Variants in NUP210 observed in about 807,000 individuals in gnomAD.
The protein encoded by NUP210 is nuclear pore membrane glycoprotein 210.
In NUP210, 151 loss-of-function variants were observed where a neutral mutation model predicts 196.0. The observed-to-expected ratio is 0.77, with a 90% confidence interval of 0.67 to 0.88. The LOEUF (loss-of-function observed/expected upper bound fraction) is 0.88, where lower values mean the gene tolerates loss of function less well. NUP210 is among the 40% of genes least tolerant of loss of function. The pLI, the probability that NUP210 is intolerant of heterozygous loss-of-function variation, is 0.00. For synonymous variants in NUP210, 1,070 were observed against 1,052.7 expected, an observed-to-expected ratio of 1.02 and a Z score of -0.32; for missense variants, 2,314 against 2,493.7, an observed-to-expected ratio of 0.93 and a Z score of 1.53.
intron 1 of NUP210, among the ~76,000 whole-genome samples, chr3:13,401,038 A>G (rs868135547): frequency 1.3e-5 from 2 of 152,028 alleles, no homozygotes; most frequent in African/African-American, 4.8e-5. Context: ...TGGGCAGATC[A>G]CCAGAGGTCA....
intron 15 of NUP210, 127 bp downstream of exon 15, chr3:13,360,143 T>C: frequency 1.2e-6 from 1 of 804,700 alleles, no homozygotes; most frequent in East Asian, 2.7e-5. Flanking sequence ...TGCCTGTCTG[T>C]AAAATGGGTA....
intron 1 of NUP210, among the ~76,000 whole-genome samples, chr3:13,403,944 G>C (rs1015124173): frequency 6.6e-6 from 1 of 152,174 alleles, no homozygotes; most frequent in South Asian, 2.1e-4. Flanking sequence ...ACCGGGCCAC[G>C]TCTGGCCTCT....
In NUP210 at chr3:13,386,149, G is replaced by A. The variant is rs943653419; in HGVS notation, c.817+126C>T. Reference sequence around the variant, plus strand: ...GTGATGGCTGCAGAAGAGTGTGAATGTACTTGATGCTACCTGATGGAGCAC... The same window carrying A: ...GTGATGGCTGCAGAAGAGTGTGAATATACTTGATGCTACCTGATGGAGCAC... On this transcript the variant is annotated intron_variant, in intron 6 of 39. Coordinates refer to ENST00000254508, the MANE Select transcript of NUP210 (RefSeq NM_024923.4). The A allele has an allele frequency of 1.7e-5, 17 of 993,298 alleles. No homozygotes were observed. In the South Asian group the frequency reaches 2.7e-4, roughly 16 times the overall value. 61.5% of individuals were successfully genotyped at this position (993,298 alleles called of 1,614,324 possible). A position where few individuals can be genotyped will look rare whatever the true frequency, so the allele number is the denominator to read the frequency against.
chr3:13,326,524 T>C (rs760372822), intron 32 of NUP210, among the ~76,000 whole-genome samples: 46 of 141,468 alleles, frequency 3.3e-4, no homozygotes, highest in Non-Finnish European at 5.0e-4. Context: ...CCTTTTAAAA[T>C]GAATTTAGTA....
rs553918791 is a variant in NUP210, at chr3:13,343,217, G to A, written c.2922C>T (p.Tyr974=). The change falls in exon 21 of 40, where the codon TAC becomes TAT. Residue 974 remains tyrosine (Y), a synonymous_variant. Transcript: ENST00000254508. ...TGTACAGCTCCTGAATGTCCGACACGTAAACGACAGCCTTGGCTGGGGCCG... is the reference window on the plus strand; with the variant it reads ...TGTACAGCTCCTGAATGTCCGACACATAAACGACAGCCTTGGCTGGGGCCG... The part of the protein sequence containing the change: ...VFPAPAKAVV[Y]VSDIQELYIR... 58 of 1,612,962 alleles carry A rather than the reference G, an allele frequency of 3.6e-5. 1 individual carries two copies. The highest frequency in any genetic ancestry group is 8.3e-5 in the Admixed American group (5 of 59,938).
chr3:13,419,641 G>A (rs975565649), intron 1 of NUP210, among the ~76,000 whole-genome samples: 1 of 152,204 alleles, frequency 6.6e-6, no homozygotes, highest in Admixed American at 6.5e-5. Context: ...GCCAGGGCGA[G>A]GGCGGTCACA....
At chr3:13,325,578 C>A (rs1242694848) in intron 33 of NUP210, among the ~76,000 whole-genome samples, 2 of 152,212 alleles carry the variant, frequency 1.3e-5, no homozygotes, top group Non-Finnish European at 2.9e-5. Flanking sequence ...GTCCTCATCA[C>A]ACCCTCTTGA....
intron 17 of NUP210, 57 bp downstream of exon 17, chr3:13,353,858 G>C: frequency 6.6e-7 from 1 of 1,525,608 alleles, no homozygotes; most frequent in Non-Finnish European, 8.9e-7. Context: ...ACCTTGGCAG[G>C]CTTCCTGTCT....
Position 13,332,337 on chromosome 3 carries a change from TTG to T in NUP210, c.3889_3890del (p.Gln1297AsnfsTer38). The T allele has an allele frequency of 6.2e-7, 1 of 1,613,904 alleles. No individual in the cohort carries two copies. The highest frequency in any genetic ancestry group is 1.3e-5 in the African/African-American group (1 of 75,048). Reference protein sequence around the residue: ...QLLNPEIEAEQILMSPNSYIK... With the variant: ...QLLNPEIEAEXILMSPNSYIK... Reference sequence around the variant, plus strand: ...TATATGAGTTGGGCGACATTAATATTTGTTCTGCTTCTATTTCAGGGTTGAGC... The same window carrying T: ...TATATGAGTTGGGCGACATTAATATTTTCTGCTTCTATTTCAGGGTTGAGC... On this transcript the variant is annotated frameshift_variant, in exon 29 of 40. Transcript: ENST00000254508. LOFTEE classifies it high-confidence loss of function.
At chr3:13,328,604 G>A (rs1234405284) in intron 31 of NUP210, among the ~76,000 whole-genome samples, 167 bp downstream of exon 31, 1 of 152,234 alleles carries the variant, frequency 6.6e-6, no homozygotes, top group Non-Finnish European at 1.5e-5. Flanking sequence ...CAAGGGCAGT[G>A]GTGTTTCCTC....
chr3:13,402,040 AT>A (rs1404103008), intron 1 of NUP210, among the ~76,000 whole-genome samples: 1 of 152,164 alleles, frequency 6.6e-6, no homozygotes, highest in South Asian at 2.1e-4. Context: ...ACAAAAAAAA[AT>A]TTTTTTAATT....
Position 13,347,694 on chromosome 3 carries a change from T to TG in NUP210, c.2835+4184dup, listed in dbSNP as rs1559321230. Among the ~76,000 whole-genome samples the TG allele has an allele frequency of 6.6e-6, 1 of 152,182 alleles. No individual in the cohort carries two copies. The highest frequency in any genetic ancestry group is 1.5e-5 in the Non-Finnish European group (1 of 68,038). On this transcript the variant is annotated intron_variant, in intron 20 of 39. Transcript: ENST00000254508. The surrounding 1 kb of genome is among the most constrained non-coding windows in gnomAD (Gnocchi z 4.7). ...TTTCTCTGAGCTAACTGGGGAGCGC[T>TG]GGGGGCTTGTCTATCTCTGTGCTGC...
intron 36 of NUP210, 95 bp downstream of exon 36, chr3:13,321,490 T>C: frequency 7.5e-7 from 1 of 1,332,912 alleles, no homozygotes; most frequent in Non-Finnish European, 1.0e-6. Context: ...TAAAGAGAGC[T>C]GGCCCAGGAC....
At position 13,357,353 on chromosome 3, in the gene NUP210, G is replaced by A. The variant is rs140766222; in HGVS notation, c.2328+869C>T. On this transcript the variant is annotated intron_variant, in intron 16 of 39. Coordinates refer to ENST00000254508, the MANE Select transcript of NUP210 (RefSeq NM_024923.4). ...AGCAGCCTCCTCCTCACTCTGCTGC[G>A]TGCCCTATTTCACTTCCCTTGCAGC... 1.4e-3 allele frequency among the ~76,000 whole-genome samples: 214 copies of A among 152,270 alleles called. 1 individual carries two copies. The highest frequency in any genetic ancestry group is 4.7e-3 in the African/African-American group (194 of 41,548).
At chr3:13,335,658 T>C (rs765474976) in intron 27 of NUP210, 46 bp from the exon 28 acceptor site, 1 of 1,598,510 alleles carries the variant, frequency 6.3e-7, no homozygotes, top group Non-Finnish European at 8.6e-7. Flanking sequence ...CCCAGGCCCC[T>C]GTGTCCTCAA....
In NUP210 at chr3:13,372,030, C is replaced by T. The variant is rs1404730053; in HGVS notation, c.1590G>A (p.Val530=). 6.4e-7 allele frequency: 1 copy of T among 1,571,402 alleles called. No homozygotes were observed. Among genetic ancestry groups the T allele is most frequent in the Non-Finnish European group, 8.6e-7 (1 of 1,156,662 alleles). ...CCATGCTGTGGGGCTCGATCACATACACCTGGAAGACAGGGGCATGGCCTG... is the reference window on the plus strand; with the variant it reads ...CCATGCTGTGGGGCTCGATCACATATACCTGGAAGACAGGGGCATGGCCTG... ...QNPLHFGEMK[V]YVIEPHSMEF... The change falls in exon 13 of 40, where the codon GTG becomes GTA. Residue 530 remains valine, a splice_region_variant and synonymous_variant. Transcript: ENST00000254508.
At chr3:13,377,600 A>G in intron 8 of NUP210, 38 bp from the exon 9 acceptor site, 3 of 1,497,182 alleles carry the variant, frequency 2.0e-6, no homozygotes, top group Non-Finnish European at 2.8e-6. Context: ...CTCAGGCCTC[A>G]GGGGCAGCAG....
intron 1 of NUP210, among the ~76,000 whole-genome samples, chr3:13,405,862 G>A (rs970123486): frequency 2.0e-5 from 3 of 152,184 alleles, no homozygotes; most frequent in African/African-American, 7.2e-5. Context: ...CATTCCAGGA[G>A]CATTTTCCTC....
At chr3:13,408,770 A>G (rs1700072877) in intron 1 of NUP210, among the ~76,000 whole-genome samples, 1 of 143,410 alleles carries the variant, frequency 7.0e-6, no homozygotes, top group South Asian at 2.2e-4. Flanking sequence ...CCTGAGTGAC[A>G]GGGAGAGACT....
Sources: allele counts gnomAD v4.1 joint callset (sites outside exome capture counted in the v4.1 genomes callset), GRCh38; gene constraint gnomAD v4.1.1; non-coding constraint Gnocchi (gnomAD v3.1); transcripts MANE v1.5; gene names NCBI Gene and HGNC (gene_info 2026-07-23, HGNC 2026-07-21).